Variants in TTC39A observed in about 807,000 individuals in gnomAD.
The protein encoded by TTC39A is tetratricopeptide repeat protein 39A.
Under a neutral mutation model 82.3 loss-of-function variants are expected in TTC39A, and 46 were observed. The observed-to-expected ratio is 0.56, with a 90% confidence interval of 0.44 to 0.71. TTC39A has a LOEUF of 0.71. Ranked by LOEUF, TTC39A falls within the 30% of genes least tolerant of loss-of-function variation. The probability of loss-of-function intolerance (pLI) is 0.00; values close to 1 mark genes in which losing one functional copy is unlikely to be tolerated. For synonymous variants in TTC39A, 254 were observed against 275.2 expected, an observed-to-expected ratio of 0.92 and a Z score of 0.76; for missense variants, 543 against 712.9, an observed-to-expected ratio of 0.76 and a Z score of 2.71.
upstream of TTC39A, chr1:51,331,157 A>G (rs1645901983): frequency 9.1e-6 from 14 of 1,531,110 alleles, no homozygotes; most frequent in Non-Finnish European, 1.2e-5. Flanking sequence ...CACTCACCTA[A>G]TAAGTGGCAA....
At chr1:51,329,159 G>A (rs1175824721) in intron 1 of TTC39A, among the ~76,000 whole-genome samples, 1 of 152,210 alleles carries the variant, frequency 6.6e-6, no homozygotes, top group African/African-American at 2.4e-5. Context: ...AAGGAAGTGG[G>A]ATGAATGTGG....
At chr1:51,309,009 T>C (rs1043371073) in intron 6 of TTC39A, among the ~76,000 whole-genome samples, 1 of 152,204 alleles carries the variant, frequency 6.6e-6, no homozygotes, top group Non-Finnish European at 1.5e-5. Flanking sequence ...GTGTCTTATT[T>C]TCCCCAGCAG....
Position 51,327,212 on chromosome 1 carries a change from G to A in TTC39A, c.41+3225C>T, listed in dbSNP as rs1015498739. Reference sequence around the variant, plus strand: ...CCTCCATCCCAGTCAGGATGAGGTGGGTGTGGGGTGGGTGAGGCGGCGGAG... The same window carrying A: ...CCTCCATCCCAGTCAGGATGAGGTGAGTGTGGGGTGGGTGAGGCGGCGGAG... On this transcript the variant is annotated intron_variant, in intron 1 of 17. Coordinates refer to ENST00000680483, the MANE Select transcript of TTC39A (RefSeq NM_001297663.2). 3.3e-5 allele frequency among the ~76,000 whole-genome samples: 5 copies of A among 152,196 alleles called. No homozygotes were observed. In the East Asian group the frequency reaches 7.7e-4, roughly 23 times the overall value.
At chr1:51,325,700 C>T (rs1645688757) in intron 1 of TTC39A, 1 of 152,244 alleles carries the variant, frequency 6.6e-6, no homozygotes, top group Non-Finnish European at 1.5e-5. Context: ...CAGTACCCAT[C>T]AGCTCAGCCC....
rs1005934035 is a variant in TTC39A, at chr1:51,295,226, C to T, written c.1146-715G>A. 9.8e-5 allele frequency among the ~76,000 whole-genome samples: 15 copies of T among 152,316 alleles called. 1 individual carries two copies. Among genetic ancestry groups the T allele is most frequent in the South Asian group, 4.2e-4 (2 of 4,818 alleles). On this transcript the variant is annotated intron_variant, in intron 13 of 17. Transcript: ENST00000680483. ...CTCATCTCTAAAATGGAGGTAATGA[C>T]ACCTGCCCTCCTAGGCTTTCTGGAA...
chr1:51,335,563 C>CAAAA (rs1178529051), upstream of TTC39A, among the ~76,000 whole-genome samples: 27 of 68,076 alleles, frequency 4.0e-4, no homozygotes, highest in Non-Finnish European at 8.3e-4. Context: ...TCTTGTCTCA[C>CAAAA]AAAAAAAAAA....
chr1:51,294,256 G>A lies in TTC39A; in HGVS notation c.1266+135C>T. On this transcript the variant is annotated intron_variant, in intron 14 of 17. Transcript: ENST00000680483. The surrounding 1 kb of genome is among the most constrained non-coding windows in gnomAD (Gnocchi z 4.3). ...CAGGGGCTGGGCCAGACTCCCAGGT[G>A]AATTGTGAAACCCTCCCCAGGCCCC... 7.1e-7 allele frequency: 1 copy of A among 1,408,264 alleles called. No individual in the cohort carries two copies. Among genetic ancestry groups the A allele is most frequent in the South Asian group, 1.4e-5 (1 of 72,264 alleles). The allele number at this position is 1,408,264 out of a possible 1,614,324, so 87.2% of individuals were successfully genotyped here.
chr1:51,294,575 A>T lies in TTC39A; in HGVS notation c.1146-64T>A. 6.2e-7 allele frequency: 1 copy of T among 1,604,122 alleles called. No homozygotes were observed. The highest frequency in any genetic ancestry group is 8.5e-7 in the Non-Finnish European group (1 of 1,175,584). Reference sequence around the variant, plus strand: ...GAGCAGGAGAGGGCAGAGGGTCCCCAGCCTACCCAGCTATGCTTGGCGCCT... The same window carrying T: ...GAGCAGGAGAGGGCAGAGGGTCCCCTGCCTACCCAGCTATGCTTGGCGCCT... On this transcript the variant is annotated intron_variant, in intron 13 of 17. Coordinates refer to ENST00000680483, the MANE Select transcript of TTC39A (RefSeq NM_001297663.2). The surrounding 1 kb of genome is among the most constrained non-coding windows in gnomAD (Gnocchi z 4.3).
At chr1:51,293,867 C>G (rs1047661923) in intron 14 of TTC39A, among the ~76,000 whole-genome samples, 5 of 152,226 alleles carry the variant, frequency 3.3e-5, no homozygotes, top group African/African-American at 1.2e-4. Context: ...TTACCCCCAT[C>G]TGTAAAATGG....
intron 1 of TTC39A, chr1:51,322,126 AG>A: frequency 6.4e-7 from 1 of 1,552,340 alleles, no homozygotes; most frequent in South Asian, 1.2e-5. Flanking sequence ...ACCCTCCACA[AG>A]GGTAAAGGGA....
intron 14 of TTC39A, among the ~76,000 whole-genome samples, chr1:51,291,476 G>C (rs555116177): frequency 6.7e-6 from 1 of 149,630 alleles, no homozygotes; most frequent in Non-Finnish European, 1.5e-5. Flanking sequence ...GGGTGACAGA[G>C]ACTCCGTCTC....
In TTC39A at chr1:51,305,165, T is replaced by C. The variant is rs756144933; in HGVS notation, c.589-19A>G. ...ACAGTGTCTGCAAGAAAGGAGGCAATCAAGCCTGTGAAGGTACCCAGAGTG... is the reference window on the plus strand; with the variant it reads ...ACAGTGTCTGCAAGAAAGGAGGCAACCAAGCCTGTGAAGGTACCCAGAGTG... On this transcript the variant is annotated intron_variant, in intron 7 of 17. Transcript: ENST00000680483. 6.2e-7 allele frequency: 1 copy of C among 1,612,546 alleles called. No homozygotes were observed. The highest frequency in any genetic ancestry group is 8.5e-7 in the Non-Finnish European group (1 of 1,179,030).
At position 51,289,057 on chromosome 1, in the gene TTC39A, T is replaced by C. The variant is rs1468540959; in HGVS notation, c.1494-102A>G. 4 of 999,652 alleles carry C rather than the reference T, an allele frequency of 4.0e-6. No individual in the cohort carries two copies. In the African/African-American group the frequency reaches 6.5e-5, roughly 16 times the overall value. The allele number at this position is 999,652 out of a possible 1,614,324, so 61.9% of individuals were successfully genotyped here. On this transcript the variant is annotated intron_variant, in intron 16 of 17. Coordinates refer to ENST00000680483, the MANE Select transcript of TTC39A (RefSeq NM_001297663.2). Reference sequence around the variant, plus strand: ...AACTCCAATTTTGGGAGGTTCCCACTACCCAGCCCTAGAAAGGCTGGGATC... The same window carrying C: ...AACTCCAATTTTGGGAGGTTCCCACCACCCAGCCCTAGAAAGGCTGGGATC...
chr1:51,288,282 T>A lies in TTC39A; in HGVS notation c.1611-2A>T, dbSNP rs768671710. 2 of 1,613,810 alleles carry A rather than the reference T, an allele frequency of 1.2e-6. No homozygotes were observed. Among genetic ancestry groups the A allele is most frequent in the African/African-American group, 1.3e-5 (1 of 74,910 alleles). ...ATGGAGTAATTCTTGTAGTTTTGCCTGGAATTGAGCAGCGAATCAGACACA... is the reference window on the plus strand; with the variant it reads ...ATGGAGTAATTCTTGTAGTTTTGCCAGGAATTGAGCAGCGAATCAGACACA... On this transcript the variant is annotated splice_acceptor_variant, in intron 17 of 17. Transcript: ENST00000680483. LOFTEE classifies it high-confidence loss of function. The surrounding 1 kb of genome is among the most constrained non-coding windows in gnomAD (Gnocchi z 4.8).
intron 1 of TTC39A, among the ~76,000 whole-genome samples, chr1:51,338,763 C>T (rs770483328): frequency 1.1e-4 from 17 of 151,844 alleles, no homozygotes; most frequent in East Asian, 1.9e-4. Flanking sequence ...CCACCAAGCC[C>T]GGCTAATTTT....
Position 51,288,866 on chromosome 1 carries a change from T to A in TTC39A, c.1583A>T (p.Glu528Val). Residue 528 changes from glutamate to valine, a missense_variant, in exon 17 of 18, where the codon GAG (glutamate) becomes GTG (valine). By Grantham distance (121) the Glu-to-Val change is moderately radical. Transcript: ENST00000680483. This position sits in a 1 kb window ranked among gnomAD's most constrained non-coding sequence, Gnocchi z 4.8. ...LLLMEQDRNE[E>V]AIKLLESAKQ... Reference sequence around the variant, plus strand: ...GGCAGATTCCAAAAGTTTGATGGCCTCTTCGTTTCTGTCTTGCTCCATAAG... The same window carrying A: ...GGCAGATTCCAAAAGTTTGATGGCCACTTCGTTTCTGTCTTGCTCCATAAG... 1 of 1,611,060 alleles carries A rather than the reference T, an allele frequency of 6.2e-7. No individual in the cohort carries two copies. The highest frequency in any genetic ancestry group is 8.5e-7 in the Non-Finnish European group (1 of 1,178,692).
intron 1 of TTC39A, among the ~76,000 whole-genome samples, chr1:51,339,236 GC>G (rs904996121): frequency 4.6e-5 from 7 of 152,106 alleles, no homozygotes; most frequent in African/African-American, 7.2e-5. Context: ...GGGTGTCTTA[GC>G]CCAGTTCCAC....
chr1:51,342,946 ACCACCACG>A (rs1646055204), intron 1 of TTC39A: 2 of 429,932 alleles, frequency 4.7e-6, no homozygotes, highest in Non-Finnish European at 4.8e-6. Flanking sequence ...TCTCTCCTGG[ACCACCACG>A]CCAGCCTCCC....
chr1:51,293,384 C>T (rs1644294853), intron 14 of TTC39A, among the ~76,000 whole-genome samples: 1 of 152,050 alleles, frequency 6.6e-6, no homozygotes, highest in Non-Finnish European at 1.5e-5. Flanking sequence ...TATTTTAAAC[C>T]ATAAAATATT....
Sources: gnomAD v4.1 joint callset for allele counts (sites outside exome capture counted in the v4.1 genomes callset) on GRCh38, gnomAD v4.1.1 for gene constraint, Gnocchi (gnomAD v3.1) non-coding constraint, MANE v1.5 for transcripts, NCBI Gene and HGNC (gene_info 2026-07-23, HGNC 2026-07-21) for gene names.